Variants in ZFP82 observed in about 807,000 individuals in gnomAD.
ZFP82 encodes zinc finger protein 82 homolog.
ZFP82 carries 30 observed loss-of-function variants against 54.0 expected under a neutral mutation model. The ratio of observed to expected loss-of-function variants is 0.56; its 90% CI spans 0.42 to 0.75. The LOEUF is 0.75. Ranked by LOEUF, ZFP82 falls within the 30% of genes least tolerant of loss-of-function variation. The pLI is 0.00. For missense variants in ZFP82, 500 were observed against 636.8 expected, an observed-to-expected ratio of 0.79 and a Z score of 2.31; for synonymous variants, 194 against 209.5, an observed-to-expected ratio of 0.93 and a Z score of 0.64.
chr19:36,399,758 TAC>T (rs1235796198), intron 4 of ZFP82, among the ~76,000 whole-genome samples: 1 of 152,144 alleles, frequency 6.6e-6, no homozygotes, highest in South Asian at 2.1e-4. Context: ...TGGTGATAAA[TAC>T]AGATTGCTAA....
At chr19:36,398,278 C>T (rs543037354) in intron 4 of ZFP82, among the ~76,000 whole-genome samples, 23 of 152,298 alleles carry the variant, frequency 1.5e-4, no homozygotes, top group African/African-American at 5.5e-4. Flanking sequence ...GTGGCTCACA[C>T]CTGTAATCCC....
At chr19:36,385,540 T>C (rs2032105767), downstream of ZFP82, among the ~76,000 whole-genome samples, 1 of 152,164 alleles carries the variant, frequency 6.6e-6, no homozygotes, top group African/African-American at 2.4e-5. Flanking sequence ...AAAAAGACTA[T>C]TGCTGTGGGT....
rs2032225156 is a variant in ZFP82, at chr19:36,392,848, T to C, written c.1492A>G (p.Arg498Gly). Reference protein sequence around the residue: ...RLNSSLIQHLRIHSGEKPYEC... With the variant: ...RLNSSLIQHLGIHSGEKPYEC... Reference sequence around the variant, plus strand: ...TAGGGTTTCTCACCAGAATGAATTCTCAGATGTTGAATAAGGGATGAATTA... The same window carrying C: ...TAGGGTTTCTCACCAGAATGAATTCCCAGATGTTGAATAAGGGATGAATTA... The change falls in exon 5 of 5, where the codon AGA (arginine) becomes GGA (glycine). Residue 498 changes from arginine to glycine, a missense_variant. Transcript: ENST00000392161. 5.0e-6 allele frequency: 8 copies of C among 1,613,898 alleles called. No homozygotes were observed. The highest frequency in any genetic ancestry group is 6.8e-6 in the Non-Finnish European group (8 of 1,179,826).
intron 2 of ZFP82, among the ~76,000 whole-genome samples, 168 bp from the exon 3 acceptor site, chr19:36,408,181 A>G (rs551609334): frequency 6.6e-6 from 1 of 152,318 alleles, no homozygotes; most frequent in South Asian, 2.1e-4. Flanking sequence ...TGCCTGAAGC[A>G]AAGTGCCTGG....
At chr19:36,402,468 C>CAAAAAAAAAAAAAAAAAAA (rs377338348) in intron 4 of ZFP82, among the ~76,000 whole-genome samples, 9 of 57,444 alleles carry the variant, frequency 1.6e-4, no homozygotes, top group Non-Finnish European at 2.4e-4. Flanking sequence ...GACTCCATCT[C>CAAAAAAAAAAAAAAAAAAA]AAAAAAAAAA....
chr19:36,388,928 GCTTTA>G lies in ZFP82; in HGVS notation c.*3808_*3812del, dbSNP rs2032148276. On this transcript the variant is annotated 3_prime_UTR_variant, in exon 5 of 5. Coordinates refer to ENST00000392161, the MANE Select transcript of ZFP82 (RefSeq NM_133466.4). ...TCAATCCAGATGTTCTAAATGCATT[GCTTTA>G]AATTTTCTACCAAGTAGAGCTTTGG... is the stretch of plus-strand genomic sequence containing the variant. Among the ~76,000 whole-genome samples the G allele has an allele frequency of 6.6e-6, 1 of 152,070 alleles. No homozygotes were observed. The highest frequency in any genetic ancestry group is 1.5e-5 in the Non-Finnish European group (1 of 68,012).
rs1274036750 is a variant in ZFP82 at position 36,397,188 on chromosome 19, G to T, written c.230-3078C>A. Among the ~76,000 whole-genome samples, 4 of 151,366 alleles carry T rather than the reference G, an allele frequency of 2.6e-5. No individual in the cohort carries two copies. In the East Asian group the frequency reaches 7.8e-4, roughly 30 times the overall value. On this transcript the variant is annotated intron_variant, in intron 4 of 4. Coordinates refer to ENST00000392161, the MANE Select transcript of ZFP82 (RefSeq NM_133466.4). Reference sequence around the variant, plus strand: ...GATCGCTGCAACCTCTGCCTCCCGGGTTCAAGCAATCCTCCTGCCTCAGCC... The same window carrying T: ...GATCGCTGCAACCTCTGCCTCCCGGTTTCAAGCAATCCTCCTGCCTCAGCC...
Position 36,392,930 on chromosome 19 carries a change from G to C in ZFP82, c.1410C>G (p.Ser470Arg), listed in dbSNP as rs1568482930. The C allele has an allele frequency of 1.2e-6, 2 of 1,613,620 alleles. No homozygotes were observed. Among genetic ancestry groups the C allele is most frequent in the African/African-American group, 2.7e-5 (2 of 74,866 alleles). ...CAAAGGGTTTTTCGCCAGTATGAAT[G>C]CTCTGATGTAGAGTAAGTTTTTGGC... The part of the protein sequence containing the change: ...RLRQKLTLHQ[S>R]IHTGEKPFEC... The change falls in exon 5 of 5, where the codon AGC (serine) becomes AGG (arginine). Residue 470 changes from serine (S) to arginine (R), a missense_variant. By Grantham distance (110) the Ser-to-Arg change is moderately radical (BLOSUM62 -1). Coordinates refer to ENST00000392161, the MANE Select transcript of ZFP82 (RefSeq NM_133466.4).
downstream of ZFP82, among the ~76,000 whole-genome samples, chr19:36,385,505 G>C (rs1207962379): frequency 6.6e-6 from 1 of 152,234 alleles, no homozygotes; most frequent in African/African-American, 2.4e-5. Context: ...GGTAAGAGCT[G>C]AAAAAGTTTT....
In ZFP82 at chr19:36,392,550, T is replaced by G; in HGVS notation, c.*191A>C. The G allele has an allele frequency of 1.9e-6, 1 of 536,902 alleles. No individual in the cohort carries two copies. 33.3% of individuals were successfully genotyped at this position (536,902 alleles called of 1,614,324 possible). Reference sequence around the variant, plus strand: ...TGACGGTAAATGTCTTTTTCATTCTTATAACAGGATTAGTTTTTAGAACAA... The same window carrying G: ...TGACGGTAAATGTCTTTTTCATTCTGATAACAGGATTAGTTTTTAGAACAA... On this transcript the variant is annotated 3_prime_UTR_variant, in exon 5 of 5. Transcript: ENST00000392161.
At chr19:36,402,465 T>C (rs1324152884) in intron 4 of ZFP82, among the ~76,000 whole-genome samples, 2 of 13,994 alleles carry the variant, frequency 1.4e-4, no homozygotes, top group Non-Finnish European at 2.6e-4. Context: ...CGAGACTCCA[T>C]CTCAAAAAAA....
chr19:36,408,154 G>A (rs117973768), intron 2 of ZFP82, 141 bp from the exon 3 acceptor site: 17,527 of 894,156 alleles, frequency 0.02, 278 homozygotes, highest in South Asian at 0.042. Flanking sequence ...GCAACACAGC[G>A]AGTCAGGAAA....
chr19:36,393,355 G>A lies in ZFP82; in HGVS notation c.985C>T (p.His329Tyr), dbSNP rs1304919597. ...GGTTTCTCACCAGTATGAAGTTTGT[G>A]ATGTACTCTAAGACCAGAGCCACAC... ...FLCGSGLRVH[H>Y]KLHTGEKPYE... is the part of the protein sequence containing the mutation. Residue 329 changes from histidine to tyrosine, a missense_variant, in exon 5 of 5, where the codon CAC becomes TAC. By Grantham distance (83) the His-to-Tyr change is moderately conservative. Coordinates refer to ENST00000392161, the MANE Select transcript of ZFP82 (RefSeq NM_133466.4). 17 of 1,614,062 alleles carry A rather than the reference G, an allele frequency of 1.1e-5. No individual in the cohort carries two copies. The highest frequency in any genetic ancestry group is 1.4e-5 in the Non-Finnish European group (17 of 1,180,008).
chr19:36,386,801 G>C (rs1019339415), downstream of ZFP82, among the ~76,000 whole-genome samples: 1 of 152,206 alleles, frequency 6.6e-6, no homozygotes, highest in African/African-American at 2.4e-5. Flanking sequence ...GCTGGGCATG[G>C]TGGCAGATGC....
At chr19:36,400,763 A>C (rs2032369962) in intron 4 of ZFP82, among the ~76,000 whole-genome samples, 1 of 152,124 alleles carries the variant, frequency 6.6e-6, no homozygotes, top group African/African-American at 2.4e-5. Flanking sequence ...CATAAAATAC[A>C]CTGCTTTTTA....
downstream of ZFP82, among the ~76,000 whole-genome samples, chr19:36,386,691 A>T (rs2032119016): frequency 6.6e-6 from 1 of 152,208 alleles, no homozygotes; most frequent in South Asian, 2.1e-4. Context: ...TAATCCCAGC[A>T]CTTTGGAGGC....
At position 36,393,613 on chromosome 19, in the gene ZFP82, C is replaced by T; in HGVS notation, c.727G>A (p.Val243Ile). ...TCACCAATATGCATTTTCTGATGTACTCTAAGATCTGCACCACATATGAAA... is the reference window on the plus strand; with the variant it reads ...TCACCAATATGCATTTTCTGATGTATTCTAAGATCTGCACCACATATGAAA... ...EAFICGADLRVHQKMHIGEKP... is the reference protein window; with the variant it reads ...EAFICGADLRIHQKMHIGEKP... Residue 243 changes from valine to isoleucine, a missense_variant, in exon 5 of 5, where the codon GTA (valine) becomes ATA (isoleucine). Val to Ile is a conservative substitution (Grantham distance 29). Coordinates refer to ENST00000392161, the MANE Select transcript of ZFP82 (RefSeq NM_133466.4). 2 of 1,613,786 alleles carry T rather than the reference C, an allele frequency of 1.2e-6. No homozygotes were observed. The highest frequency in any genetic ancestry group is 2.2e-5 in the East Asian group (1 of 44,866).
At chr19:36,409,309 C>T (rs2032537608) in intron 2 of ZFP82, among the ~76,000 whole-genome samples, 1 of 151,896 alleles carries the variant, frequency 6.6e-6, no homozygotes, top group African/African-American at 2.4e-5. Flanking sequence ...CCCTGTCACC[C>T]AGGCTGGAGT....
intron 4 of ZFP82, among the ~76,000 whole-genome samples, chr19:36,397,647 A>C (rs939298720): frequency 6.6e-6 from 1 of 150,962 alleles, no homozygotes; most frequent in Admixed American, 6.6e-5. Context: ...TGCAACCTGC[A>C]CCTCCACCCG....
Sources: allele counts gnomAD v4.1 joint callset (sites outside exome capture counted in the v4.1 genomes callset), GRCh38; gene constraint gnomAD v4.1.1; transcripts MANE v1.5; gene names NCBI Gene and HGNC (gene_info 2026-07-23, HGNC 2026-07-21).